The following CDH19 variants were observed in gnomAD, a reference collection of about 807,000 sequenced individuals.
The protein encoded by CDH19 is cadherin-19.
CDH19 carries 67 observed loss-of-function variants against 64.2 expected under a neutral mutation model. The observed-to-expected ratio is 1.04, with a 90% CI of 0.86 to 1.28. CDH19 has a LOEUF of 1.28. Among genes scored for constraint, CDH19 ranks in the 50% most tolerant of loss-of-function variants. The probability of loss-of-function intolerance (pLI) is 0.00; values close to 1 mark genes in which losing one functional copy is unlikely to be tolerated. For synonymous variants in CDH19, 346 were observed against 319.3 expected (o/e 1.08, Z -0.89); for missense variants, 1,030 against 929.0 (o/e 1.11, Z -1.41).
rs1342277475 is a variant in CDH19, at chr18:66,568,837, A to T, written c.196-127T>A. The T allele has an allele frequency of 6.8e-6, 5 of 733,314 alleles. No individual in the cohort carries two copies. In the East Asian group the frequency reaches 1.4e-4, roughly 20 times the overall value. The allele number at this position is 733,314 out of a possible 1,614,324, so 45.4% of individuals were successfully genotyped here. Reference sequence around the variant, plus strand: ...TGATTTTATATTATTTCCACATTACATTAAATGAGGCAAAATATTAATATC... The same window carrying T: ...TGATTTTATATTATTTCCACATTACTTTAAATGAGGCAAAATATTAATATC... On this transcript the variant is annotated intron_variant, in intron 2 of 11. Transcript: ENST00000262150.
At chr18:66,561,975 G>A (rs560583887) in intron 3 of CDH19, among the ~76,000 whole-genome samples, 12 of 151,846 alleles carry the variant, frequency 7.9e-5, no homozygotes, top group South Asian at 2.1e-4. Context: ...ATAGCAAAAG[G>A]TCTTTATAAA....
intron 5 of CDH19, among the ~76,000 whole-genome samples, chr18:66,547,532 A>G (rs1443103333): frequency 3.3e-5 from 5 of 152,092 alleles, no homozygotes; most frequent in Non-Finnish European, 7.4e-5. Flanking sequence ...TTTATATCGA[A>G]TAAGCAAGGT....
At chr18:66,508,774 G>A (rs1017377884) in intron 11 of CDH19, among the ~76,000 whole-genome samples, 1 of 149,210 alleles carries the variant, frequency 6.7e-6, no homozygotes, top group Non-Finnish European at 1.5e-5. Context: ...ACAATTCAAA[G>A]ATCATGTTTT....
chr18:66,538,985 C>G (rs924398879), intron 7 of CDH19, among the ~76,000 whole-genome samples: 5 of 152,094 alleles, frequency 3.3e-5, no homozygotes. Flanking sequence ...AGGCCACATT[C>G]GGGTGTACTG....
In CDH19 at chr18:66,509,093, CCACTGT is replaced by C. The variant is rs1985343614; in HGVS notation, c.1724_1729del (p.Asp575_Ser576del). On this transcript the variant is annotated inframe_deletion, in exon 11 of 12. Transcript: ENST00000262150. ...CTGGTACTGGCAGGTCTGTGTGCTC[CCACTGT>C]CACCACAGTCACAGACATGGATGGT... 6.2e-7 allele frequency: 1 copy of C among 1,612,736 alleles called. No homozygotes were observed. Among genetic ancestry groups the C allele is most frequent in the Admixed American group, 1.7e-5 (1 of 59,808 alleles).
In CDH19 at chr18:66,504,306, T is replaced by TC. The variant is rs962216702; in HGVS notation, c.*505_*506insG. 2 of 150,152 alleles carry TC rather than the reference T, an allele frequency of 1.3e-5. No individual in the cohort carries two copies. The highest frequency in any genetic ancestry group is 2.4e-5 in the African/African-American group (1 of 41,108). 9.3% of individuals were successfully genotyped at this position (150,152 alleles called of 1,614,324 possible). A position where few individuals can be genotyped will look rare whatever the true frequency, so the allele number is the denominator to read the frequency against. Reference sequence around the variant, plus strand: ...ACCTAGCATTCTTTTTTTTTTTTTTTTTTTTTAAATAAAGGAAACAATACT... The same window carrying TC: ...ACCTAGCATTCTTTTTTTTTTTTTTTCTTTTTTAAATAAAGGAAACAATACT... On this transcript the variant is annotated 3_prime_UTR_variant, in exon 12 of 12. Coordinates refer to ENST00000262150, the MANE Select transcript of CDH19 (RefSeq NM_021153.4).
chr18:66,594,450 G>A lies in CDH19; in HGVS notation c.-113+9504C>T, dbSNP rs373031152. On this transcript the variant is annotated intron_variant, in intron 1 of 11. Transcript: ENST00000262150. ...ACTACAGAGCAGTCCATCAAACAAC[G>A]GTAGAATATACATTCTTCTTATGTA... Among the ~76,000 whole-genome samples the A allele has an allele frequency of 6.6e-5, 10 of 152,030 alleles. No individual in the cohort carries two copies. The East Asian group carries it at 7.8e-4, about 12-fold the overall frequency.
intron 1 of CDH19, among the ~76,000 whole-genome samples, chr18:66,596,950 C>T (rs1044278600): frequency 3.4e-5 from 5 of 147,382 alleles, no homozygotes; most frequent in South Asian, 4.4e-4. Flanking sequence ...GGCGTAGTGG[C>T]GGGCGCCTGT....
intron 9 of CDH19, among the ~76,000 whole-genome samples, chr18:66,523,920 G>A (rs928903191): frequency 1.6e-5 from 2 of 126,370 alleles, no homozygotes; most frequent in Non-Finnish European, 3.4e-5. Flanking sequence ...GGGCGGGGGG[G>A]TTGGGGGGCG....
Position 66,544,780 on chromosome 18 carries a change from G to A in CDH19, c.899C>T (p.Ser300Leu), listed in dbSNP as rs143721306. The change falls in exon 6 of 12, where the codon TCG becomes TTG. Residue 300 changes from serine to leucine, a missense_variant. Coordinates refer to ENST00000262150, the MANE Select transcript of CDH19 (RefSeq NM_021153.4). Reference protein sequence around the residue: ...EMDYSIEEDDSQTFDIITNHE... With the variant: ...EMDYSIEEDDLQTFDIITNHE... ...ATTAGTAATAATGTCAAATGTTTGC[G>A]AATCATCCTCTTCAATGCTGTAATC... The A allele has an allele frequency of 1.9e-5, 30 of 1,611,166 alleles. No individual in the cohort carries two copies. The African/African-American group carries it at 2.1e-4, about 11-fold the overall frequency.
At chr18:66,577,618 TACA>T (rs1988304199) in intron 1 of CDH19, among the ~76,000 whole-genome samples, 1 of 151,960 alleles carries the variant, frequency 6.6e-6, no homozygotes, top group African/African-American at 2.4e-5. Context: ...AAAGATTTCT[TACA>T]ACAATATCAA....
At chr18:66,547,322 G>A (rs554057105) in intron 5 of CDH19, among the ~76,000 whole-genome samples, 1 of 152,024 alleles carries the variant, frequency 6.6e-6, no homozygotes, top group South Asian at 2.1e-4. Context: ...GAGGGTATGC[G>A]TGTGTGTGTA....
In CDH19 at chr18:66,551,104, T is replaced by A; in HGVS notation, c.765A>T (p.Ile255=). The A allele has an allele frequency of 6.3e-7, 1 of 1,574,912 alleles. No homozygotes were observed. Among genetic ancestry groups the A allele is most frequent in the Non-Finnish European group, 8.7e-7 (1 of 1,149,254 alleles). The change falls in exon 5 of 12, where the codon ATA becomes ATT. Residue 255 remains isoleucine (I), a synonymous_variant. Coordinates refer to ENST00000262150, the MANE Select transcript of CDH19 (RefSeq NM_021153.4). ...ATCCTTTTTACTTACTTTCTTTAAA[T>A]ATAGGCTTATTGTCATTAACATCTG... ...KLSDVNDNKP[I]FKESLYRLTV...
At chr18:66,601,591 T>C (rs1311486689) in intron 1 of CDH19, among the ~76,000 whole-genome samples, 2 of 152,018 alleles carry the variant, frequency 1.3e-5, no homozygotes, top group African/African-American at 4.8e-5. Flanking sequence ...TCTTAAGACA[T>C]ACTTGGATGA....
At chr18:66,592,875 TC>T (rs1988783617) in intron 1 of CDH19, among the ~76,000 whole-genome samples, 1 of 151,946 alleles carries the variant, frequency 6.6e-6, no homozygotes, top group African/African-American at 2.4e-5. Context: ...AGATATATTT[TC>T]AATATACTGA....
At chr18:66,541,532 G>A (rs951038914) in intron 7 of CDH19, among the ~76,000 whole-genome samples, 4 of 152,046 alleles carry the variant, frequency 2.6e-5, no homozygotes, top group Non-Finnish European at 5.9e-5. Flanking sequence ...GTGCTGAAGT[G>A]GGTATTTTCA....
intron 11 of CDH19, among the ~76,000 whole-genome samples, chr18:66,508,226 G>A (rs1985295910): frequency 1.3e-5 from 2 of 151,912 alleles, no homozygotes; most frequent in South Asian, 4.1e-4. Flanking sequence ...AGAGTAGAAT[G>A]GTAGTAGCAG....
intron 7 of CDH19, among the ~76,000 whole-genome samples, chr18:66,540,661 C>A (rs1025718005): frequency 2.0e-5 from 3 of 152,026 alleles, no homozygotes; most frequent in African/African-American, 7.2e-5. Flanking sequence ...GGGCACTAAT[C>A]CCATTCATTA....
chr18:66,521,724 A>C (rs1410905042), intron 9 of CDH19, among the ~76,000 whole-genome samples: 1 of 151,332 alleles, frequency 6.6e-6, no homozygotes, highest in Non-Finnish European at 1.5e-5. Context: ...AAATGTAGAG[A>C]CGGAATTTCA....
Sources: gnomAD v4.1 joint callset for allele counts (sites outside exome capture counted in the v4.1 genomes callset) on GRCh38, gnomAD v4.1.1 for gene constraint, MANE v1.5 for transcripts, NCBI Gene and HGNC (gene_info 2026-07-23, HGNC 2026-07-21) for gene names.